PPARG: variants seen among roughly 807,000 people sequenced by gnomAD.
PPARG encodes peroxisome proliferator activated receptor gamma.
Under a neutral mutation model 39.2 loss-of-function variants are expected in PPARG, and 17 were observed. The ratio of observed to expected loss-of-function variants is 0.43; its 90% CI spans 0.30 to 0.65. The LOEUF is 0.65. PPARG is among the 30% of genes least tolerant of loss of function. PPARG has a pLI of 0.13. For synonymous variants in PPARG, 223 were observed against 215.7 expected, an observed-to-expected ratio of 1.03 and a Z score of -0.30; for missense variants, 406 against 585.9, an observed-to-expected ratio of 0.69 and a Z score of 3.17.
chr3:12,337,597 G>A (rs1212127401), intron 2 of PPARG, among the ~76,000 whole-genome samples: 1 of 152,044 alleles, frequency 6.6e-6, no homozygotes, highest in Non-Finnish European at 1.5e-5. Context: ...GGGGACTTAA[G>A]AGCAGAGCTG....
rs767945316 is a variant in PPARG, at chr3:12,406,075, C to T, written c.723C>T (p.Asp241=). 1 of 1,614,008 alleles carries T rather than the reference C, an allele frequency of 6.2e-7. No individual in the cohort carries two copies. Among genetic ancestry groups the T allele is most frequent in the South Asian group, 1.1e-5 (1 of 91,060 alleles). ...ARAILTGKTT[D]KSPFVIYDMN... Reference sequence around the variant, plus strand: ...CGATCTTGACAGGAAAGACAACAGACAAATCAGTTAGTTCTCTTCTGCTGT... The same window carrying T: ...CGATCTTGACAGGAAAGACAACAGATAAATCAGTTAGTTCTCTTCTGCTGT... The change falls in exon 6 of 8, where the codon GAC becomes GAT. Residue 241 remains aspartate, a synonymous_variant. Transcript: ENST00000651735.
intron 7 of PPARG, among the ~76,000 whole-genome samples, chr3:12,427,592 T>C (rs1403612820): frequency 6.6e-6 from 1 of 152,204 alleles, no homozygotes; most frequent in Non-Finnish European, 1.5e-5. Flanking sequence ...ATGAAAGAAA[T>C]GTCATTGTCT....
intron 7 of PPARG, among the ~76,000 whole-genome samples, chr3:12,428,574 C>T (rs2051540537): frequency 6.6e-6 from 1 of 152,210 alleles, no homozygotes; most frequent in African/African-American, 2.4e-5. Flanking sequence ...AAGAGAAAGG[C>T]CCTGGCACTG....
chr3:12,298,363 A>C (rs999149875), intron 1 of PPARG, among the ~76,000 whole-genome samples: 1 of 150,540 alleles, frequency 6.6e-6, no homozygotes, highest in South Asian at 2.1e-4. Flanking sequence ...AGGTTTCCCA[A>C]AATCAGTGTG....
chr3:12,423,511 A>G (rs949829609), intron 7 of PPARG, among the ~76,000 whole-genome samples: 1 of 152,180 alleles, frequency 6.6e-6, no homozygotes, highest in Non-Finnish European at 1.5e-5. Context: ...AAAAGACAGG[A>G]TGTACTTGCT....
At chr3:12,381,106 A>G (rs1415936848) in intron 3 of PPARG, among the ~76,000 whole-genome samples, 1 of 152,128 alleles carries the variant, frequency 6.6e-6, no homozygotes, top group Non-Finnish European at 1.5e-5. Context: ...TTCCCATTTT[A>G]TATTTACAGG....
At position 12,343,636 on chromosome 3, in the gene PPARG, C is replaced by T. The variant is rs545299261; in HGVS notation, c.-9+31183C>T. 3.3e-5 allele frequency among the ~76,000 whole-genome samples: 5 copies of T among 152,102 alleles called. No individual in the cohort carries two copies. In the South Asian group the frequency reaches 8.3e-4, roughly 25 times the overall value. On this transcript the variant is annotated intron_variant, in intron 2 of 7. Transcript: ENST00000651735. The stretch of plus-strand genomic sequence containing the variant: ...TTGCACTTCTCTCAAACCACCTACT[C>T]GTATATTAGAGTGCATTGTGCTTGT...
chr3:12,325,668 A>ATT (rs1362314742), intron 2 of PPARG, among the ~76,000 whole-genome samples: 3 of 142,798 alleles, frequency 2.1e-5, no homozygotes, highest in Non-Finnish European at 4.6e-5. Flanking sequence ...CTCCACTTTG[A>ATT]TTTTTTTTTT....
chr3:12,392,370 G>A (rs755438236), intron 4 of PPARG, among the ~76,000 whole-genome samples: 3 of 152,160 alleles, frequency 2.0e-5, no homozygotes, highest in Non-Finnish European at 4.4e-5. Flanking sequence ...AATGAAAGCC[G>A]CAGCTGGATG....
chr3:12,401,439 G>T (rs1328416966), intron 5 of PPARG, among the ~76,000 whole-genome samples: 1 of 152,150 alleles, frequency 6.6e-6, no homozygotes, highest in Non-Finnish European at 1.5e-5. Context: ...AGCAATAAAA[G>T]CTGTGTTTGT....
At chr3:12,324,161 C>G (rs1052226202) in intron 2 of PPARG, among the ~76,000 whole-genome samples, 2 of 152,132 alleles carry the variant, frequency 1.3e-5, no homozygotes, top group African/African-American at 2.4e-5. Flanking sequence ...CACCTGTAAT[C>G]CCCGTTACTT....
rs755450436 is a variant in PPARG at position 12,417,042 on chromosome 3, G to A, written c.1068G>A (p.Lys356=). 2 of 1,613,022 alleles carry A rather than the reference G, an allele frequency of 1.2e-6. No individual in the cohort carries two copies. The highest frequency in any genetic ancestry group is 8.5e-7 in the Non-Finnish European group (1 of 1,179,302). The change falls in exon 7 of 8, where the codon AAG becomes AAA. Residue 356 remains lysine (K), a synonymous_variant. Coordinates refer to ENST00000651735, the MANE Select transcript of PPARG (RefSeq NM_138711.6). ...GGGAGTTTCTAAAGAGCCTGCGAAAGCCTTTTGGTGACTTTATGGAGCCCA... is the reference window on the plus strand; with the variant it reads ...GGGAGTTTCTAAAGAGCCTGCGAAAACCTTTTGGTGACTTTATGGAGCCCA... ...MTREFLKSLR[K]PFGDFMEPKF...
chr3:12,354,527 CGAGGTCAG>C (rs2048594786), intron 2 of PPARG, among the ~76,000 whole-genome samples: 1 of 151,850 alleles, frequency 6.6e-6, no homozygotes, highest in African/African-American at 2.4e-5. Flanking sequence ...GGGCAGATCA[CGAGGTCAG>C]GAGGTCAAGA....
chr3:12,365,688 C>A (rs575631053), intron 2 of PPARG, among the ~76,000 whole-genome samples: 1 of 152,144 alleles, frequency 6.6e-6, no homozygotes, highest in East Asian at 1.9e-4. Flanking sequence ...ACCCTGGTTT[C>A]TTCATCAAAG....
intron 2 of PPARG, among the ~76,000 whole-genome samples, chr3:12,326,906 T>C (rs79038361): frequency 6.6e-6 from 1 of 152,326 alleles, no homozygotes; most frequent in Non-Finnish European, 1.5e-5. Context: ...ACAGATATCC[T>C]GGGTTTTGAT....
chr3:12,396,441 A>T (rs1168106284), intron 5 of PPARG, among the ~76,000 whole-genome samples: 1 of 152,138 alleles, frequency 6.6e-6, no homozygotes, highest in Non-Finnish European at 1.5e-5. Flanking sequence ...TATTTTTAAT[A>T]AAATTATTTA....
intron 2 of PPARG, among the ~76,000 whole-genome samples, chr3:12,360,588 A>AAAC (rs2048814585): frequency 6.6e-6 from 1 of 151,704 alleles, no homozygotes; most frequent in South Asian, 2.1e-4. Flanking sequence ...AAAAAAAAAA[A>AAAC]ACAGAACAAT....
chr3:12,394,144 G>T (rs569062194), intron 5 of PPARG, among the ~76,000 whole-genome samples: 1 of 152,264 alleles, frequency 6.6e-6, no homozygotes, highest in South Asian at 2.1e-4. Context: ...ATGCAATCAA[G>T]TTGCAATAAA....
chr3:12,398,491 C>T (rs992056340), intron 5 of PPARG, among the ~76,000 whole-genome samples: 5 of 152,186 alleles, frequency 3.3e-5, no homozygotes, highest in East Asian at 3.9e-4. Flanking sequence ...CCAGCAACTA[C>T]GTATAGAGGA....
Sources: allele counts gnomAD v4.1 joint callset (sites outside exome capture counted in the v4.1 genomes callset), GRCh38; gene constraint gnomAD v4.1.1; transcripts MANE v1.5; gene names NCBI Gene and HGNC (gene_info 2026-07-23, HGNC 2026-07-21).